The following KLRD1 variants were observed in gnomAD, a reference collection of about 807,000 sequenced individuals.
The protein encoded by KLRD1 is killer cell lectin like receptor D1.
A neutral mutation model predicts 22.6 loss-of-function variants in KLRD1; 21 were observed. The ratio of observed to expected loss-of-function variants is 0.93; its 90% CI spans 0.66 to 1.34. KLRD1 has a LOEUF of 1.34. Among genes scored for constraint, KLRD1 ranks in the 40% most tolerant of loss-of-function variants. KLRD1 has a pLI of 0.00. For missense variants in KLRD1, 183 were observed against 208.6 expected (o/e 0.88, Z 0.76); for synonymous variants, 59 against 71.1 (o/e 0.83, Z 0.85).
At chr12:10,313,826 T>C (rs1466723393) in intron 5 of KLRD1, among the ~76,000 whole-genome samples, 1 of 152,280 alleles carries the variant, frequency 6.6e-6, no homozygotes, top group Non-Finnish European at 1.5e-5. Flanking sequence ...ATTAAAAATA[T>C]ATTATTTTGT....
In KLRD1 at chr12:10,314,679, A is replaced by G; in HGVS notation, c.426A>G (p.Pro142=). 6.4e-7 allele frequency: 1 copy of G among 1,563,682 alleles called. No homozygotes were observed. The part of the protein sequence containing the change: ...NGSALSQYLF[P]SFETFNTKNC... ...ATTTTCTTCTTCATTACAGATTTCC[A>G]TCATTTGAAACTTTTAATACAAAGA... The change falls in exon 6 of 6, where the codon CCA becomes CCG. Residue 142 remains proline, a synonymous_variant. Transcript: ENST00000336164.
chr12:10,261,128 G>A (rs1251305828), intron 1 of KLRD1, among the ~76,000 whole-genome samples: 1 of 152,200 alleles, frequency 6.6e-6, no homozygotes, highest in Non-Finnish European at 1.5e-5. Context: ...TGAGATGAGA[G>A]TAATGCAATT....
upstream of KLRD1, among the ~76,000 whole-genome samples, chr12:10,305,512 T>C (rs1565466124): frequency 1.3e-5 from 2 of 152,170 alleles, no homozygotes; most frequent in Non-Finnish European, 2.9e-5. Flanking sequence ...GACTGGAACA[T>C]AACACTATTG....
intron 1 of KLRD1, among the ~76,000 whole-genome samples, chr12:10,257,133 T>C (rs1247101308): frequency 2.9e-5 from 1 of 34,916 alleles, no homozygotes; most frequent in Non-Finnish European, 3.0e-4. Flanking sequence ...TTTTTTCTTT[T>C]CTTTTCTTTT....
chr12:10,247,248 G>A (rs1949301556), intron 1 of KLRD1, among the ~76,000 whole-genome samples: 1 of 151,968 alleles, frequency 6.6e-6, no homozygotes. Flanking sequence ...AAGCTCAACT[G>A]CATTTGTAAT....
intron 1 of KLRD1, among the ~76,000 whole-genome samples, chr12:10,275,758 A>G (rs974341798): frequency 3.3e-5 from 5 of 152,254 alleles, no homozygotes; most frequent in Non-Finnish European, 5.9e-5. Context: ...TTTTATGATA[A>G]TAAAAATTAC....
chr12:10,264,672 T>C (rs1411395384), intron 1 of KLRD1, among the ~76,000 whole-genome samples: 2 of 104,962 alleles, frequency 1.9e-5, no homozygotes, highest in Non-Finnish European at 4.0e-5. Context: ...TCGTCTCACA[T>C]AGTTACCTTC....
chr12:10,244,579 C>T (rs1384250557), intron 1 of KLRD1, among the ~76,000 whole-genome samples: 1 of 151,966 alleles, frequency 6.6e-6, no homozygotes, highest in African/African-American at 2.4e-5. Flanking sequence ...GTCAGGAGTC[C>T]AAGACCAGCC....
At chr12:10,295,520 TAAAAA>T (rs1354679604) in intron 1 of KLRD1, among the ~76,000 whole-genome samples, 3 of 151,074 alleles carry the variant, frequency 2.0e-5, no homozygotes, top group Non-Finnish European at 4.4e-5. Context: ...TGGAAAAAAA[TAAAAA>T]AACAAAATTA....
intron 1 of KLRD1, among the ~76,000 whole-genome samples, chr12:10,294,791 G>A (rs1168836141): frequency 6.6e-6 from 1 of 152,136 alleles, no homozygotes; most frequent in Non-Finnish European, 1.5e-5. Context: ...ACTGCCCAGG[G>A]TAATTTGTGT....
At chr12:10,260,706 C>T (rs551394149) in intron 1 of KLRD1, among the ~76,000 whole-genome samples, 7 of 152,112 alleles carry the variant, frequency 4.6e-5, no homozygotes, top group East Asian at 1.9e-4. Flanking sequence ...TTTGGGAGGC[C>T]GAGGTGGGCA....
In KLRD1 at chr12:10,326,405, C is replaced by T. The variant is rs945959453; in HGVS notation, c.*11612C>T. On this transcript the variant is annotated 3_prime_UTR_variant, in exon 6 of 6. Coordinates refer to ENST00000336164, the MANE Select transcript of KLRD1 (RefSeq NM_002262.5). ...CTCAGGAGGTCCTGCTGACATGTGC[C>T]CAAGGTGGTCAGGGCACAGTTTGGT... 1 of 152,110 alleles carries T rather than the reference C, an allele frequency of 6.6e-6. No homozygotes were observed. The highest frequency in any genetic ancestry group is 2.4e-5 in the African/African-American group (1 of 41,406). 9.4% of individuals were successfully genotyped at this position (152,110 alleles called of 1,614,324 possible).
At chr12:10,269,443 G>A (rs537003955) in intron 1 of KLRD1, among the ~76,000 whole-genome samples, 1 of 152,272 alleles carries the variant, frequency 6.6e-6, no homozygotes, top group African/African-American at 2.4e-5. Flanking sequence ...GAGCCACCAC[G>A]CTCAGCCTCA....
intron 1 of KLRD1, among the ~76,000 whole-genome samples, chr12:10,257,768 G>A (rs1025437191): frequency 1.3e-4 from 19 of 151,770 alleles, no homozygotes; most frequent in African/African-American, 4.6e-4. Context: ...CCAATGGGTT[G>A]TGTTTTCCTG....
intron 1 of KLRD1, among the ~76,000 whole-genome samples, chr12:10,258,614 GA>G (rs1410283194): frequency 1.3e-5 from 2 of 152,226 alleles, no homozygotes; most frequent in Non-Finnish European, 1.5e-5. Flanking sequence ...TTCAGCTATT[GA>G]AAAAATCGGA....
upstream of KLRD1, among the ~76,000 whole-genome samples, chr12:10,299,751 A>G (rs1389558705): frequency 2.0e-5 from 3 of 152,156 alleles, no homozygotes; most frequent in Non-Finnish European, 2.9e-5. Context: ...TCTTTTTTTA[A>G]TGAAAGATTC....
At chr12:10,275,426 ATGAAATCT>A (rs1565456189) in intron 1 of KLRD1, among the ~76,000 whole-genome samples, 1 of 152,228 alleles carries the variant, frequency 6.6e-6, no homozygotes, top group Non-Finnish European at 1.5e-5. Context: ...CTATTTTAAA[ATGAAATCT>A]TGACCTGCTG....
At chr12:10,239,804 G>A (rs545942775) in intron 1 of KLRD1, among the ~76,000 whole-genome samples, 62 of 151,702 alleles carry the variant, frequency 4.1e-4, no homozygotes, top group Non-Finnish European at 7.5e-4. Context: ...ATCATGCCCA[G>A]CTAATTTTTG....
At chr12:10,248,409 AAAC>A (rs1949312297) in intron 1 of KLRD1, among the ~76,000 whole-genome samples, 1 of 152,178 alleles carries the variant, frequency 6.6e-6, no homozygotes, top group Non-Finnish European at 1.5e-5. Context: ...ATTGTGTTGA[AAAC>A]AATTATGGTA....
Sources: allele counts gnomAD v4.1 joint callset (sites outside exome capture counted in the v4.1 genomes callset), GRCh38; gene constraint gnomAD v4.1.1; transcripts MANE v1.5; gene names NCBI Gene and HGNC (gene_info 2026-07-23, HGNC 2026-07-21).